The following VRK3 variants were observed in gnomAD, a reference collection of about 807,000 sequenced individuals.
The protein encoded by VRK3 is VRK serine/threonine kinase 3.
Under a neutral mutation model 60.4 loss-of-function variants are expected in VRK3, and 50 were observed. That is an observed-to-expected ratio of 0.83 (90% CI 0.66 to 1.05). VRK3 has a LOEUF of 1.05. Ranked by LOEUF, VRK3 falls within the 50% of genes least tolerant of loss-of-function variation. The pLI is 0.00. For synonymous variants in VRK3, 246 were observed against 227.8 expected (o/e 1.08, Z -0.72); for missense variants, 549 against 585.3 (o/e 0.94, Z 0.64).
chr19:50,019,755 C>T (rs73578689), intron 2 of VRK3, among the ~76,000 whole-genome samples: 17,296 of 135,398 alleles, frequency 0.13, 1,323 homozygotes, highest in East Asian at 0.31. Flanking sequence ...GCCCTGGTCT[C>T]GAACTGCTGA....
At chr19:49,980,864 AAG>A in intron 13 of VRK3, 89 bp downstream of exon 13, 1 of 1,123,300 alleles carries the variant, frequency 8.9e-7, no homozygotes, top group South Asian at 1.5e-5. Flanking sequence ...AAAAAAAATG[AAG>A]AGGTGTAAGG....
chr19:50,015,159 G>A (rs1319162773), intron 3 of VRK3, among the ~76,000 whole-genome samples: 1 of 152,126 alleles, frequency 6.6e-6, no homozygotes, highest in Non-Finnish European at 1.5e-5. Flanking sequence ...GAGCTCAGGT[G>A]AAGGCATGTT....
intron 5 of VRK3, among the ~76,000 whole-genome samples, chr19:50,004,637 T>C (rs973369511): frequency 6.6e-6 from 1 of 152,130 alleles, no homozygotes; most frequent in Non-Finnish European, 1.5e-5. Context: ...GTGTCTGGCA[T>C]GGGATCCTGC....
intron 9 of VRK3, 100 bp downstream of exon 9, chr19:49,994,714 G>C (rs535999819): frequency 4.6e-4 from 485 of 1,044,516 alleles, no homozygotes; most frequent in Non-Finnish European, 5.8e-4. Flanking sequence ...TGCAGCGGAG[G>C]GGGGTGGGGG....
intron 6 of VRK3, chr19:49,999,907 G>C (rs1466343927): frequency 6.6e-6 from 1 of 152,210 alleles, no homozygotes; most frequent in Non-Finnish European, 1.5e-5. Flanking sequence ...GTGTTAAATG[G>C]GACACGGTAG....
At chr19:50,003,208 C>G (rs2076837867) in intron 5 of VRK3, among the ~76,000 whole-genome samples, 1 of 152,174 alleles carries the variant, frequency 6.6e-6, no homozygotes, top group Non-Finnish European at 1.5e-5. Flanking sequence ...TGCTGGGGAC[C>G]CTGACTGACT....
intron 6 of VRK3, 23 bp from the exon 7 acceptor site, chr19:49,997,593 GA>G: frequency 6.2e-7 from 1 of 1,613,468 alleles, no homozygotes; most frequent in Non-Finnish European, 8.5e-7. Flanking sequence ...AGGAGGGGCA[GA>G]AGGCTGTCAC....
At chr19:49,982,267 C>T (rs933085782) in intron 12 of VRK3, 27 of 700,344 alleles carry the variant, frequency 3.9e-5, no homozygotes, top group Admixed American at 8.0e-5. Flanking sequence ...ATAAAACACA[C>T]GAATTATTAA....
At chr19:49,981,846 G>A in intron 12 of VRK3, 2 of 1,191,664 alleles carry the variant, frequency 1.7e-6, no homozygotes, top group Non-Finnish European at 2.1e-6. Context: ...GGCTGTGAGG[G>A]GCCAATGGGC....
intron 3 of VRK3, among the ~76,000 whole-genome samples, chr19:50,015,127 G>C (rs1338601665): frequency 6.6e-6 from 1 of 152,060 alleles, no homozygotes; most frequent in Non-Finnish European, 1.5e-5. Flanking sequence ...GGGAAGTCTA[G>C]GGCAGGCGGC....
intron 12 of VRK3, among the ~76,000 whole-genome samples, chr19:49,984,733 G>C (rs2076483250): frequency 6.6e-6 from 1 of 152,106 alleles, no homozygotes; most frequent in South Asian, 2.1e-4. Flanking sequence ...TTGGACTCAA[G>C]TGATCCTTCC....
chr19:49,980,927 G>T, intron 13 of VRK3, 28 bp downstream of exon 13: 1 of 1,598,868 alleles, frequency 6.3e-7, no homozygotes, highest in Non-Finnish European at 8.5e-7. Flanking sequence ...CCGAGTCCCC[G>T]CCTGTTCCCG....
intron 2 of VRK3, chr19:50,019,131 G>C (rs2077122732): frequency 7.1e-6 from 1 of 139,898 alleles, no homozygotes; most frequent in Non-Finnish European, 1.5e-5. Flanking sequence ...CACCACTGCA[G>C]TCCGGCCGGG....
intron 13 of VRK3, among the ~76,000 whole-genome samples, chr19:49,980,284 C>T (rs16981612): frequency 0.1 from 15,903 of 152,044 alleles, 1,109 homozygotes; most frequent in East Asian, 0.29. Context: ...AGTTACGGTG[C>T]GGACAAACCA....
chr19:49,982,813 C>G (rs1299523791), intron 12 of VRK3, among the ~76,000 whole-genome samples: 1 of 152,140 alleles, frequency 6.6e-6, no homozygotes, highest in East Asian at 1.9e-4. Context: ...ACCGTTTGTT[C>G]AGGAAAAATC....
At chr19:49,981,503 C>T (rs148070937) in intron 12 of VRK3, among the ~76,000 whole-genome samples, 1,824 of 152,282 alleles carry the variant, frequency 0.012, 21 homozygotes, top group Non-Finnish European at 0.016. Flanking sequence ...CTAGATTGAG[C>T]CACTGCACTC....
At chr19:49,989,543 G>T in intron 11 of VRK3, 96 bp downstream of exon 11, 1 of 1,467,124 alleles carries the variant, frequency 6.8e-7, no homozygotes, top group Non-Finnish European at 9.1e-7. Flanking sequence ...TGCCTCTCCT[G>T]TCTGGCCACC....
chr19:50,000,320 G>A (rs2076781030), intron 6 of VRK3: 1 of 172,482 alleles, frequency 5.8e-6, no homozygotes, highest in Non-Finnish European at 1.2e-5. Context: ...CCTGTCTGCT[G>A]AGACTCATGC....
intron 12 of VRK3, among the ~76,000 whole-genome samples, chr19:49,985,324 G>A (rs1287706617): frequency 6.6e-6 from 1 of 152,204 alleles, no homozygotes; most frequent in African/African-American, 2.4e-5. Flanking sequence ...AGAAAATGGG[G>A]CAATGGACTT....
Sources: gnomAD v4.1 joint callset for allele counts (sites outside exome capture counted in the v4.1 genomes callset) on GRCh38, gnomAD v4.1.1 for gene constraint, MANE v1.5 for transcripts, NCBI Gene and HGNC (gene_info 2026-07-23, HGNC 2026-07-21) for gene names.